The following TMEM91 variants were observed in gnomAD, a reference collection of about 807,000 sequenced individuals.
TMEM91 encodes transmembrane protein 91, also known as dispanin subfamily C member 3.
TMEM91 carries 6 observed loss-of-function variants against 13.3 expected under a neutral mutation model. That is an observed-to-expected ratio of 0.45 (90% CI 0.25 to 0.89). TMEM91 has a LOEUF of 0.89. Among genes scored for constraint, TMEM91 ranks in the 40% least tolerant of loss-of-function variants. The pLI, the probability that TMEM91 is intolerant of heterozygous loss-of-function variation, is 0.19. For synonymous variants in TMEM91, 87 were observed against 101.7 expected (o/e 0.86, Z 0.87); for missense variants, 193 against 228.7 (o/e 0.84, Z 1.01).
chr19:41,383,092 C>T lies in TMEM91; in HGVS notation c.360+171C>T, dbSNP rs140694002. The T allele has an allele frequency of 1.1e-3, 1,009 of 947,490 alleles. 8 individuals carry two copies. In the African/African-American group the frequency reaches 0.015, roughly 14 times the overall value. 58.7% of individuals were successfully genotyped at this position (947,490 alleles called of 1,614,324 possible). A position where few individuals can be genotyped will look rare whatever the true frequency, so the allele number is the denominator to read the frequency against. On this transcript the variant is annotated intron_variant, in intron 3 of 3. Transcript: ENST00000392002. Reference sequence around the variant, plus strand: ...AGATTTTTTTTGAGTCTCACTTTGTCGCCCAGGCTGGAGTGCAGTGGTACA... The same window carrying T: ...AGATTTTTTTTGAGTCTCACTTTGTTGCCCAGGCTGGAGTGCAGTGGTACA...
At chr19:41,372,218 G>A (rs370946584), upstream of TMEM91, among the ~76,000 whole-genome samples, 7 of 152,206 alleles carry the variant, frequency 4.6e-5, no homozygotes, top group African/African-American at 1.7e-4. Context: ...ATGGTTGTGC[G>A]TGCCTGTAAT....
Position 41,364,365 on chromosome 19 carries a change from G to A in TMEM91, c.-30+270G>A, listed in dbSNP as rs146788241. On this transcript the variant is annotated intron_variant, in intron 1 of 3. Transcript: ENST00000413014. ...GTTGAGTGTGGCTGAGGAAGTTTGA[G>A]TGCAGTTTCTCCCAGATACCTTCTT... 3.1e-3 allele frequency among the ~76,000 whole-genome samples: 466 copies of A among 152,308 alleles called. 3 individuals are homozygous for A. The highest frequency in any genetic ancestry group is 0.011 in the African/African-American group (440 of 41,546).
Position 41,383,806 on chromosome 19 carries a change from G to A in TMEM91, c.452G>A (p.Gly151Asp), listed in dbSNP as rs868374108. Residue 151 changes from glycine (G) to aspartate (D), a missense_variant, in exon 4 of 4, where the codon GGC becomes GAC. By Grantham distance (94) the Gly-to-Asp change is moderately conservative. Coordinates refer to ENST00000392002, the MANE Select transcript of TMEM91 (RefSeq NM_001098821.2). ...CTGGGGGTCCTCGCCGTCGGGCTGG[G>A]CGTGTGCACGTATGCGGCTGCCCTG... Reference protein sequence around the residue: ...FLLGVLAVGLGVCTYAAALVT... With the variant: ...FLLGVLAVGLDVCTYAAALVT... The A allele has an allele frequency of 6.2e-7, 1 of 1,611,768 alleles. No individual in the cohort carries two copies. Among genetic ancestry groups the A allele is most frequent in the Non-Finnish European group, 8.5e-7 (1 of 1,178,810 alleles).
chr19:41,371,128 A>C (rs1048508012), intron 1 of TMEM91, among the ~76,000 whole-genome samples: 1 of 151,666 alleles, frequency 6.6e-6, no homozygotes, highest in Non-Finnish European at 1.5e-5. Context: ...CAGCCTCCCG[A>C]GTAGCTGGGA....
upstream of TMEM91, among the ~76,000 whole-genome samples, chr19:41,373,430 A>G (rs1475455445): frequency 2.6e-5 from 4 of 151,276 alleles, no homozygotes; most frequent in Admixed American, 2.6e-4. Context: ...GCTGATGGGA[A>G]TTTATGCCCC....
At chr19:41,375,869 C>T (rs1048210945), upstream of TMEM91, among the ~76,000 whole-genome samples, 5 of 151,596 alleles carry the variant, frequency 3.3e-5, no homozygotes, top group African/African-American at 1.2e-4. Flanking sequence ...CGCCTGTAAT[C>T]CTAACACTTT....
At chr19:41,380,016 C>T (rs1227855451) in intron 2 of TMEM91, among the ~76,000 whole-genome samples, 1 of 151,402 alleles carries the variant, frequency 6.6e-6, no homozygotes, top group Non-Finnish European at 1.5e-5. Flanking sequence ...CTGCCTCAGC[C>T]TCCTGAGTAG....
intron 1 of TMEM91, among the ~76,000 whole-genome samples, chr19:41,371,189 A>G (rs918256827): frequency 6.7e-6 from 1 of 149,730 alleles, no homozygotes; most frequent in Non-Finnish European, 1.5e-5. Flanking sequence ...TTTAGTAGAG[A>G]CGGAGTTTTG....
At chr19:41,372,928 CTTTTGT>C (rs113935602), upstream of TMEM91, among the ~76,000 whole-genome samples, 144 of 149,836 alleles carry the variant, frequency 9.6e-4, no homozygotes, top group African/African-American at 3.1e-3. Flanking sequence ...ATCTCGTGAT[CTTTTGT>C]TTTTGTTTTT....
chr19:41,372,570 T>C (rs1404259205), upstream of TMEM91, among the ~76,000 whole-genome samples: 1 of 152,182 alleles, frequency 6.6e-6, no homozygotes, highest in Admixed American at 6.5e-5. Context: ...TTGAAGGTTA[T>C]AGGCGACCTC....
intron 1 of TMEM91, among the ~76,000 whole-genome samples, chr19:41,369,680 C>T (rs1443881542): frequency 1.3e-5 from 2 of 151,742 alleles, no homozygotes. Flanking sequence ...TGGTGGCGAG[C>T]GCCTGTAGTC....
At chr19:41,374,578 A>G (rs775349853), upstream of TMEM91, among the ~76,000 whole-genome samples, 1 of 152,170 alleles carries the variant, frequency 6.6e-6, no homozygotes, top group Non-Finnish European at 1.5e-5. Flanking sequence ...AGTACTCTAC[A>G]TATGTTATCA....
chr19:41,368,249 G>A (rs1043867444), intron 1 of TMEM91, among the ~76,000 whole-genome samples: 1 of 151,500 alleles, frequency 6.6e-6, no homozygotes, highest in African/African-American at 2.4e-5. Flanking sequence ...TCATTTCTAC[G>A]AAAACGTTTA....
intron 2 of TMEM91, among the ~76,000 whole-genome samples, chr19:41,382,539 T>C (rs918906138): frequency 1.3e-5 from 2 of 152,146 alleles, no homozygotes; most frequent in African/African-American, 4.8e-5. Context: ...AGGAGAATCA[T>C]TTGAACCCGG....
chr19:41,381,794 G>A (rs1048006421), intron 2 of TMEM91, among the ~76,000 whole-genome samples: 4 of 152,020 alleles, frequency 2.6e-5, no homozygotes, highest in Admixed American at 6.6e-5. Flanking sequence ...TGACAGGTGT[G>A]AGCCACTGTG....
chr19:41,366,127 A>G (rs1304792066), intron 1 of TMEM91, among the ~76,000 whole-genome samples: 1 of 140,764 alleles, frequency 7.1e-6, no homozygotes, highest in Non-Finnish European at 1.5e-5. Context: ...CACCTGGCAG[A>G]GGTTTCACTT....
chr19:41,378,464 C>T lies in TMEM91; in HGVS notation c.155C>T (p.Pro52Leu), dbSNP rs376478364. The T allele has an allele frequency of 3.7e-6, 6 of 1,614,096 alleles. No homozygotes were observed. The highest frequency in any genetic ancestry group is 1.3e-5 in the African/African-American group (1 of 75,026). The change falls in exon 2 of 4, where the codon CCG becomes CTG. Residue 52 changes from proline to leucine, a missense_variant. Physicochemically the swap from Pro to Leu is moderately conservative, Grantham distance 98 (BLOSUM62 -3). Transcript: ENST00000392002. ...CTGAGGGGTTTGCAGTTCCTGTCACCGCCTCTTCCCTCCGTGAGCGCTGGC... is the reference window on the plus strand; with the variant it reads ...CTGAGGGGTTTGCAGTTCCTGTCACTGCCTCTTCCCTCCGTGAGCGCTGGC... Reference protein sequence around the residue: ...ESLRGLQFLSPPLPSVSAGLG... With the variant: ...ESLRGLQFLSLPLPSVSAGLG...
rs182218668 is a variant in TMEM91 at position 41,381,594 on chromosome 19, G to A, written c.211-1178G>A. Among the ~76,000 whole-genome samples, 233 of 152,160 alleles carry A rather than the reference G, an allele frequency of 1.5e-3. 1 individual carries two copies. The highest frequency in any genetic ancestry group is 6.8e-3 in the Middle Eastern group (2 of 294). On this transcript the variant is annotated intron_variant, in intron 2 of 3. Coordinates refer to ENST00000392002, the MANE Select transcript of TMEM91 (RefSeq NM_001098821.2). ...TTAGCCAGGACGGTCTCGATCTCCTGACCTCATGATCCGCCTGCCTTGGCC... is the reference window on the plus strand; with the variant it reads ...TTAGCCAGGACGGTCTCGATCTCCTAACCTCATGATCCGCCTGCCTTGGCC...
intron 1 of TMEM91, among the ~76,000 whole-genome samples, chr19:41,365,662 C>T (rs957914813): frequency 6.6e-6 from 1 of 150,678 alleles, no homozygotes; most frequent in African/African-American, 2.4e-5. Flanking sequence ...GCCTCAGCCT[C>T]CCAAAGTGCT....
Sources: gnomAD v4.1 joint callset for allele counts (sites outside exome capture counted in the v4.1 genomes callset) on GRCh38, gnomAD v4.1.1 for gene constraint, MANE v1.5 for transcripts, NCBI Gene and HGNC (gene_info 2026-07-23, HGNC 2026-07-21) for gene names.